CDKN2AIPNL: variants seen among roughly 807,000 people sequenced by gnomAD.
CDKN2AIPNL encodes CDKN2AIP N-terminal-like protein.
CDKN2AIPNL carries 9 observed loss-of-function variants against 12.9 expected under a neutral mutation model. The observed-to-expected ratio is 0.70, with a 90% CI of 0.42 to 1.22. The LOEUF (loss-of-function observed/expected upper bound fraction) is 1.22. CDKN2AIPNL is among the 50% of genes most tolerant of loss of function. CDKN2AIPNL has a pLI of 0.00. For missense variants in CDKN2AIPNL, 143 were observed against 153.6 expected (o/e 0.93, Z 0.37); for synonymous variants, 53 against 61.7 (o/e 0.86, Z 0.66).
rs1168515494 is a variant in CDKN2AIPNL at position 134,409,966 on chromosome 5, C to T, written c.276G>A (p.Met92Ile). 6.2e-7 allele frequency: 1 copy of T among 1,613,116 alleles called. No homozygotes were observed. Among genetic ancestry groups the T allele is most frequent in the Non-Finnish European group, 8.5e-7 (1 of 1,179,734 alleles). ...NKDLLDKVME[M>I]ADGIEVEDLP... ...GGTCTTCCACTTCAATCCCATCGGC[C>T]ATTTCCATCACCTTGTCTAAAAGGT... The change falls in exon 2 of 3, where the codon ATG (methionine) becomes ATA (isoleucine). Residue 92 changes from methionine to isoleucine, a missense_variant. Met to Ile is a conservative substitution (Grantham distance 10, BLOSUM62 1). This residue lies in a region of CDKN2AIPNL where 111 missense variants were observed against 111.4 expected (regional missense o/e 1.00). Transcript: ENST00000458198.
At chr5:134,408,110 G>A (rs907453597) in intron 2 of CDKN2AIPNL, among the ~76,000 whole-genome samples, 3 of 152,074 alleles carry the variant, frequency 2.0e-5, no homozygotes, top group African/African-American at 7.2e-5. Flanking sequence ...CAGCCTGGGT[G>A]ACAAAGTGAG....
intron 1 of CDKN2AIPNL, 66 bp from the exon 2 acceptor site, chr5:134,410,068 T>C (rs1759168637): frequency 1.8e-6 from 2 of 1,121,730 alleles, no homozygotes; most frequent in East Asian, 4.7e-5. Flanking sequence ...AATAAGAAAC[T>C]GCAGGTTGCT....
intron 2 of CDKN2AIPNL, among the ~76,000 whole-genome samples, chr5:134,404,279 T>C (rs1360076994): frequency 6.6e-6 from 1 of 152,180 alleles, no homozygotes; most frequent in Non-Finnish European, 1.5e-5. Flanking sequence ...TGAGCGTTTA[T>C]CTTGAGGTAC....
chr5:134,408,833 TTAAAAC>T (rs1290789758), intron 2 of CDKN2AIPNL, among the ~76,000 whole-genome samples: 1 of 152,184 alleles, frequency 6.6e-6, no homozygotes, highest in Non-Finnish European at 1.5e-5. Flanking sequence ...CAGGTTCAGA[TTAAAAC>T]TAAAAGAATA....
Position 134,410,004 on chromosome 5 carries a change from T to C in CDKN2AIPNL, c.240-2A>G. On this transcript the variant is annotated splice_acceptor_variant, in intron 1 of 2. Coordinates refer to ENST00000458198, the MANE Select transcript of CDKN2AIPNL (RefSeq NM_080656.3). LOFTEE classifies it high-confidence loss of function. ...TTGTCTAAAAGGTCTTTATTGTAAC[T>C]GCACAATAAAAAGTAGTAAGGTAAA... 1 of 1,595,470 alleles carries C rather than the reference T, an allele frequency of 6.3e-7. No homozygotes were observed. Among genetic ancestry groups the C allele is most frequent in the Admixed American group, 1.7e-5 (1 of 58,926 alleles).
At chr5:134,408,325 A>G (rs1299418257) in intron 2 of CDKN2AIPNL, among the ~76,000 whole-genome samples, 1 of 151,734 alleles carries the variant, frequency 6.6e-6, no homozygotes, top group Non-Finnish European at 1.5e-5. Context: ...AAAAAGCCAC[A>G]CACTCCCAAT....
At chr5:134,405,167 G>T (rs1283780533) in intron 2 of CDKN2AIPNL, among the ~76,000 whole-genome samples, 1 of 149,014 alleles carries the variant, frequency 6.7e-6, no homozygotes, top group Admixed American at 6.8e-5. Context: ...TTGCAGTGGC[G>T]CAATCTCGGC....
At chr5:134,403,526 A>G (rs1759058431) in intron 2 of CDKN2AIPNL, among the ~76,000 whole-genome samples, 1 of 152,176 alleles carries the variant, frequency 6.6e-6, no homozygotes, top group South Asian at 2.1e-4. Flanking sequence ...ATTTGAATGA[A>G]TTTCCTTAAC....
chr5:134,403,013 G>T, intron 2 of CDKN2AIPNL, 87 bp from the exon 3 acceptor site: 1 of 1,150,660 alleles, frequency 8.7e-7, no homozygotes, highest in Non-Finnish European at 1.3e-6. Context: ...TAGCAGTGAT[G>T]TAATATTTAT....
chr5:134,407,441 T>C (rs1258649592), intron 2 of CDKN2AIPNL, among the ~76,000 whole-genome samples: 1 of 151,956 alleles, frequency 6.6e-6, no homozygotes, highest in East Asian at 1.9e-4. Context: ...TCAGAAAACA[T>C]ATAAGACAGA....
At chr5:134,409,814 A>G in intron 2 of CDKN2AIPNL, 89 bp downstream of exon 2, 1 of 796,690 alleles carries the variant, frequency 1.3e-6, no homozygotes, top group African/African-American at 1.7e-5. Flanking sequence ...AAGAGCATTC[A>G]AAAACAATAT....
In CDKN2AIPNL at chr5:134,402,674, T is replaced by A. The variant is rs1028775913; in HGVS notation, c.*241A>T. The A allele has an allele frequency of 2.6e-6, 1 of 377,534 alleles. No individual in the cohort carries two copies. Among genetic ancestry groups the A allele is most frequent in the South Asian group, 8.5e-5 (1 of 11,706 alleles). 23.4% of individuals were successfully genotyped at this position (377,534 alleles called of 1,614,324 possible). A position where few individuals can be genotyped will look rare whatever the true frequency, so the allele number is the denominator to read the frequency against. ...GAGGGCTTTTACAATGTTGATGAACTCATCTTAGAGTGCATGATTTATAAA... is the reference window on the plus strand; with the variant it reads ...GAGGGCTTTTACAATGTTGATGAACACATCTTAGAGTGCATGATTTATAAA... On this transcript the variant is annotated 3_prime_UTR_variant, in exon 3 of 3. Coordinates refer to ENST00000458198, the MANE Select transcript of CDKN2AIPNL (RefSeq NM_080656.3).
rs1319237353 is a variant in CDKN2AIPNL at position 134,409,926 on chromosome 5, T to C, written c.316A>G (p.Thr106Ala). ...ACCTTTTTCATTAATTCACTTCTGG[T>C]AGTAAATTGTGGCAGGTCTTCCACT... ...IEVEDLPQFTTRSELMKKHQS is the reference protein window; with the variant it reads ...IEVEDLPQFTARSELMKKHQS The change falls in exon 2 of 3, where the codon ACC becomes GCC. Residue 106 changes from threonine to alanine, a missense_variant. By Grantham distance (58) the Thr-to-Ala change is moderately conservative. This residue lies in a region of CDKN2AIPNL where 111 missense variants were observed against 111.4 expected (regional missense o/e 1.00). Transcript: ENST00000458198. 14 of 1,610,060 alleles carry C rather than the reference T, an allele frequency of 8.7e-6. No individual in the cohort carries two copies. The highest frequency in any genetic ancestry group is 2.2e-5 in the East Asian group (1 of 44,856).
chr5:134,407,750 A>G (rs1759127291), intron 2 of CDKN2AIPNL, among the ~76,000 whole-genome samples: 1 of 151,402 alleles, frequency 6.6e-6, no homozygotes, highest in Non-Finnish European at 1.5e-5. Context: ...CCTGGGCAAC[A>G]AGAGCAAAAC....
chr5:134,410,766 A>G (rs1759179320), intron 1 of CDKN2AIPNL: 1 of 516,650 alleles, frequency 1.9e-6, no homozygotes, highest in Non-Finnish European at 3.5e-6. Flanking sequence ...CAAGTGGCTT[A>G]GGCCTGCAGG....
At chr5:134,411,436 G>A (rs1452847148) in intron 1 of CDKN2AIPNL, among the ~76,000 whole-genome samples, 180 bp downstream of exon 1, 2 of 152,186 alleles carry the variant, frequency 1.3e-5, no homozygotes, top group East Asian at 3.9e-4. Context: ...GAGGCTCAAA[G>A]ATAAGGATCT....
At position 134,411,878 on chromosome 5, in the gene CDKN2AIPNL, G is replaced by A. The variant is rs940865880; in HGVS notation, c.-24C>T. 3 of 1,541,616 alleles carry A rather than the reference G, an allele frequency of 1.9e-6. No homozygotes were observed. Among genetic ancestry groups the A allele is most frequent in the Non-Finnish European group, 2.6e-6 (3 of 1,141,852 alleles). On this transcript the variant is annotated 5_prime_UTR_variant, in exon 1 of 3. Coordinates refer to ENST00000458198, the MANE Select transcript of CDKN2AIPNL (RefSeq NM_080656.3). ...ATGGTGCCCGCCGCAGCCGAGGACCGGATAGCCCGCCGCCTTCCCGACGCG... is the reference window on the plus strand; with the variant it reads ...ATGGTGCCCGCCGCAGCCGAGGACCAGATAGCCCGCCGCCTTCCCGACGCG...
Position 134,411,701 on chromosome 5 carries a change from G to C in CDKN2AIPNL, c.154C>G (p.Arg52Gly), listed in dbSNP as rs759516641. 1.1e-5 allele frequency: 17 copies of C among 1,613,004 alleles called. No homozygotes were observed. The highest frequency in any genetic ancestry group is 9.3e-5 in the African/African-American group (7 of 74,884). ...CGGCCACTGCCGTCGGGCGGGTCGC[G>C]GTAGTCGGGCAGGTGGCGCAGGATG... Reference protein sequence around the residue: ...EFILRHLPDYRDPPDGSGRLD... With the variant: ...EFILRHLPDYGDPPDGSGRLD... The change falls in exon 1 of 3, where the codon CGC (arginine) becomes GGC (glycine). Residue 52 changes from arginine to glycine, a missense_variant. Transcript: ENST00000458198.
At chr5:134,408,359 CAGT>C (rs1446301691) in intron 2 of CDKN2AIPNL, among the ~76,000 whole-genome samples, 2 of 151,918 alleles carry the variant, frequency 1.3e-5, no homozygotes, top group African/African-American at 4.8e-5. Flanking sequence ...TGGCTAAAAA[CAGT>C]AGCCCCTTTT....
Sources: allele counts gnomAD v4.1 joint callset (sites outside exome capture counted in the v4.1 genomes callset), GRCh38; gene constraint gnomAD v4.1.1; regional missense constraint gnomAD v4.1.1; transcripts MANE v1.5; gene names NCBI Gene and HGNC (gene_info 2026-07-23, HGNC 2026-07-21).